GTF2I: variants seen among roughly 807,000 people sequenced by gnomAD.
GTF2I encodes general transcription factor IIi, also known as general transcription factor II-I.
Under a neutral mutation model 67.6 loss-of-function variants are expected in GTF2I, and 12 were observed. The ratio of observed to expected loss-of-function variants is 0.18; its 90% CI spans 0.11 to 0.29. The LOEUF is 0.29. Among genes scored for constraint, GTF2I ranks in the 10% least tolerant of loss-of-function variants. The pLI is 1.00. For missense variants in GTF2I, 271 were observed against 580.1 expected, an observed-to-expected ratio of 0.47 and a Z score of 5.47; for synonymous variants, 149 against 197.0, an observed-to-expected ratio of 0.76 and a Z score of 2.04.
At chr7:74,691,753 A>G (rs1788328982) in intron 3 of GTF2I, among the ~76,000 whole-genome samples, 1 of 151,480 alleles carries the variant, frequency 6.6e-6, no homozygotes, top group Non-Finnish European at 1.5e-5. Context: ...TAAAACTTTT[A>G]CTCAGATAAG....
intron 10 of GTF2I, among the ~76,000 whole-genome samples, chr7:74,715,821 A>C (rs1554403514): frequency 2.0e-5 from 3 of 152,090 alleles, no homozygotes. Context: ...TGACATGCTA[A>C]AGCTAGATAC....
intron 1 of GTF2I, 187 bp from the exon 2 acceptor site, chr7:74,688,937 T>C (rs1787990696): frequency 2.0e-6 from 1 of 499,422 alleles, no homozygotes; most frequent in East Asian, 3.3e-5. Flanking sequence ...ATATAGAAAA[T>C]TAGGGGATAG....
chr7:74,718,628 T>C (rs1161448810), intron 11 of GTF2I, among the ~76,000 whole-genome samples: 1 of 152,222 alleles, frequency 6.6e-6, no homozygotes, highest in African/African-American at 2.4e-5. Flanking sequence ...ACTATGGGAT[T>C]TTTTTGAGTC....
intron 12 of GTF2I, among the ~76,000 whole-genome samples, chr7:74,724,259 A>G (rs1793474335): frequency 6.6e-6 from 1 of 152,184 alleles, no homozygotes; most frequent in South Asian, 2.1e-4. Flanking sequence ...GTATAGGGTA[A>G]TTAATGGCTC....
At chr7:74,681,804 C>A (rs587771724) in intron 1 of GTF2I, among the ~76,000 whole-genome samples, 1 of 151,208 alleles carries the variant, frequency 6.6e-6, no homozygotes, top group African/African-American at 2.4e-5. Context: ...CCCAGCTACT[C>A]GGGAGGCTGA....
intron 1 of GTF2I, among the ~76,000 whole-genome samples, chr7:74,673,724 A>C (rs1330892400): frequency 1.6e-5 from 2 of 127,078 alleles, no homozygotes; most frequent in Non-Finnish European, 3.2e-5. Flanking sequence ...CTCTGTCGCC[A>C]ATCTAAAGTG....
intron 6 of GTF2I, 115 bp from the exon 7 acceptor site, chr7:74,705,049 T>C: frequency 1.4e-6 from 1 of 701,960 alleles, no homozygotes; most frequent in South Asian, 1.6e-5. Context: ...TATTCTGGTG[T>C]GATCCAGAGC....
intron 7 of GTF2I, 103 bp downstream of exon 7, chr7:74,705,321 CA>C: frequency 1.4e-6 from 1 of 735,196 alleles, no homozygotes; most frequent in Non-Finnish European, 2.4e-6. Context: ...TCATGTCACA[CA>C]TCTTAAAGTT....
chr7:74,672,496 T>C (rs981622509), intron 1 of GTF2I, among the ~76,000 whole-genome samples: 10 of 151,946 alleles, frequency 6.6e-5, no homozygotes, highest in Non-Finnish European at 1.0e-4. Flanking sequence ...GCCAGGATCG[T>C]GCCACTGTAC....
chr7:74,681,384 G>A (rs955583893), intron 1 of GTF2I, among the ~76,000 whole-genome samples: 2 of 151,974 alleles, frequency 1.3e-5, no homozygotes, highest in African/African-American at 4.8e-5. Flanking sequence ...GCAGTGAGCC[G>A]AGATCGTGCC....
chr7:74,659,543 C>T (rs1012002999), intron 1 of GTF2I, among the ~76,000 whole-genome samples: 1 of 152,022 alleles, frequency 6.6e-6, no homozygotes, highest in Non-Finnish European at 1.5e-5. Context: ...GCGTGCCCAC[C>T]ACGCCCGGCT....
intron 12 of GTF2I, chr7:74,726,550 A>T (rs1243953796): frequency 3.9e-5 from 6 of 152,146 alleles, no homozygotes; most frequent in Non-Finnish European, 8.8e-5. Flanking sequence ...TGTCATTTTA[A>T]AATTGTTTTC....
At chr7:74,691,853 T>C (rs1788341233) in intron 3 of GTF2I, among the ~76,000 whole-genome samples, 1 of 152,070 alleles carries the variant, frequency 6.6e-6, no homozygotes, top group Admixed American at 6.6e-5. Flanking sequence ...CTCGGCTCAT[T>C]GCAACCTCCA....
intron 1 of GTF2I, among the ~76,000 whole-genome samples, chr7:74,683,589 A>C (rs1343882924): frequency 6.6e-6 from 1 of 152,218 alleles, no homozygotes; most frequent in African/African-American, 2.4e-5. Flanking sequence ...GCGGTGGCTC[A>C]CGCCTGTAAT....
intron 10 of GTF2I, 88 bp downstream of exon 10, chr7:74,715,004 G>A: frequency 1.4e-6 from 1 of 724,052 alleles, no homozygotes; most frequent in Non-Finnish European, 2.2e-6. Flanking sequence ...ATATTTATAA[G>A]TACAGTATTA....
intron 8 of GTF2I, among the ~76,000 whole-genome samples, chr7:74,708,136 C>T (rs1452219520): frequency 6.6e-6 from 1 of 151,942 alleles, no homozygotes; most frequent in Admixed American, 6.6e-5. Flanking sequence ...CCAGTCTCTA[C>T]TAAAAATACA....
At chr7:74,721,545 T>C (rs1792996494) in intron 12 of GTF2I, among the ~76,000 whole-genome samples, 2 of 151,904 alleles carry the variant, frequency 1.3e-5, no homozygotes, top group African/African-American at 4.8e-5. Context: ...GTATTATATA[T>C]AAAAAATATG....
chr7:74,707,854 C>G (rs1266143238), intron 8 of GTF2I, among the ~76,000 whole-genome samples: 1 of 152,014 alleles, frequency 6.6e-6, no homozygotes, highest in Non-Finnish European at 1.5e-5. Context: ...TCTTTATGTA[C>G]ACATCAGCAT....
At chr7:74,672,033 T>C (rs1022419317) in intron 1 of GTF2I, among the ~76,000 whole-genome samples, 2 of 151,930 alleles carry the variant, frequency 1.3e-5, no homozygotes, top group Non-Finnish European at 2.9e-5. Context: ...TGATCAAAGA[T>C]TTGGCCTAGG....
Sources: allele counts gnomAD v4.1 joint callset (sites outside exome capture counted in the v4.1 genomes callset), GRCh38; gene constraint gnomAD v4.1.1; transcripts MANE v1.5; gene names NCBI Gene and HGNC (gene_info 2026-07-23, HGNC 2026-07-21).